Variants in CFDP1 observed in about 807,000 individuals in gnomAD.
CFDP1 encodes the protein heterochromatin-stabilizing protein CFDP1.
Under a neutral mutation model 40.1 loss-of-function variants are expected in CFDP1, and 31 were observed. The observed-to-expected ratio is 0.77, with a 90% CI of 0.58 to 1.04. CFDP1 has a LOEUF of 1.04. Among genes scored for constraint, CFDP1 ranks in the 50% least tolerant of loss-of-function variants. CFDP1 has a pLI of 0.00. For synonymous variants in CFDP1, 167 were observed against 120.0 expected (o/e 1.39, Z -2.56); for missense variants, 423 against 343.4 (o/e 1.23, Z -1.83).
intron 5 of CFDP1, among the ~76,000 whole-genome samples, chr16:75,326,497 G>C (rs1435744024): frequency 6.6e-6 from 1 of 152,234 alleles, no homozygotes; most frequent in Non-Finnish European, 1.5e-5. Flanking sequence ...ACTCCCTAAA[G>C]CTCTCACATC....
intron 1 of CFDP1, among the ~76,000 whole-genome samples, chr16:75,417,715 T>A (rs533164287): frequency 4.7e-4 from 71 of 152,094 alleles, no homozygotes; most frequent in African/African-American, 1.7e-3. Context: ...AACATAACTG[T>A]ATACCAAAAT....
In CFDP1 at chr16:75,395,185, T is replaced by C; in HGVS notation, c.555A>G (p.Thr185=). The part of the protein sequence containing the change: ...EVRVTKEVDA[T]SKEAKSFFKQ... ...TGAAGAAGGATTTGGCCTCTTTAGA[T>C]GTAGCATCCACTTCCTTAGTTACCC... The change falls in exon 5 of 7, where the codon ACA becomes ACG. Residue 185 remains threonine, a synonymous_variant. Transcript: ENST00000283882. 5 of 1,613,632 alleles carry C rather than the reference T, an allele frequency of 3.1e-6. No homozygotes were observed. The highest frequency in any genetic ancestry group is 1.6e-4 in the Middle Eastern group (1 of 6,062).
chr16:75,313,970 C>T (rs117345603), intron 5 of CFDP1, among the ~76,000 whole-genome samples: 3,433 of 152,168 alleles, frequency 0.023, 50 homozygotes, highest in Non-Finnish European at 0.038. Flanking sequence ...CCGCAACCTC[C>T]GCCGCCGGGG....
chr16:75,370,005 C>G (rs1193482616), intron 5 of CFDP1, among the ~76,000 whole-genome samples: 1 of 152,052 alleles, frequency 6.6e-6, no homozygotes, highest in East Asian at 1.9e-4. Context: ...AACTCCTTAC[C>G]TCAAGTGATC....
intron 5 of CFDP1, among the ~76,000 whole-genome samples, chr16:75,311,652 T>C (rs943510119): frequency 4.6e-5 from 7 of 152,148 alleles, no homozygotes; most frequent in African/African-American, 1.4e-4. Flanking sequence ...ATGCCTTCCA[T>C]CTAATAGCCT....
intron 5 of CFDP1, among the ~76,000 whole-genome samples, chr16:75,319,003 C>T (rs1006059116): frequency 6.6e-6 from 1 of 152,258 alleles, no homozygotes; most frequent in South Asian, 2.1e-4. Context: ...CTCATAGGAG[C>T]CGAACACATT....
At chr16:75,374,538 G>A (rs750800759) in intron 5 of CFDP1, among the ~76,000 whole-genome samples, 2 of 150,386 alleles carry the variant, frequency 1.3e-5, no homozygotes, top group Admixed American at 1.3e-4. Flanking sequence ...TAAAATGGGC[G>A]GGGCATAGTG....
At chr16:75,337,075 A>T (rs75201947) in intron 5 of CFDP1, among the ~76,000 whole-genome samples, 3,175 of 150,194 alleles carry the variant, frequency 0.021, 76 homozygotes, top group African/African-American at 0.065. Flanking sequence ...ACAAGTTTTT[A>T]AAAAAAATTA....
intron 1 of CFDP1, among the ~76,000 whole-genome samples, chr16:75,431,657 G>A (rs2079419757): frequency 6.6e-6 from 1 of 151,764 alleles, no homozygotes; most frequent in South Asian, 2.1e-4. Flanking sequence ...AAAAAACACT[G>A]AATACTGATC....
In CFDP1 at chr16:75,337,069, G is replaced by GT. The variant is rs201170058; in HGVS notation, c.651-31888dup. ...TTATGGCGGTCTCTGCCATGCACAA[G>GT]TTTTTAAAAAAAATTATGAATGTAT... On this transcript the variant is annotated intron_variant, in intron 5 of 6. Transcript: ENST00000283882. 1.5e-3 allele frequency among the ~76,000 whole-genome samples: 223 copies of GT among 152,178 alleles called. 2 individuals are homozygous for GT. Among genetic ancestry groups the GT allele is most frequent in the African/African-American group, 5.1e-3 (211 of 41,480 alleles).
At chr16:75,431,409 C>T (rs891403412) in intron 1 of CFDP1, among the ~76,000 whole-genome samples, 6 of 140,388 alleles carry the variant, frequency 4.3e-5, no homozygotes, top group Non-Finnish European at 3.0e-5. Context: ...AGACGAGATC[C>T]CGCTACTGCA....
chr16:75,395,552 G>C (rs527592629), intron 4 of CFDP1, among the ~76,000 whole-genome samples: 4 of 152,078 alleles, frequency 2.6e-5, no homozygotes, highest in African/African-American at 7.2e-5. Context: ...CCAGCTACTC[G>C]GGAGGCTGAG....
intron 5 of CFDP1, among the ~76,000 whole-genome samples, chr16:75,335,987 T>G (rs1391046781): frequency 1.3e-5 from 2 of 152,074 alleles, no homozygotes; most frequent in African/African-American, 2.4e-5. Context: ...AATGACAGAA[T>G]TGGGGGGAAG....
At chr16:75,391,159 A>G (rs1235514444) in intron 5 of CFDP1, 1 of 152,228 alleles carries the variant, frequency 6.6e-6, no homozygotes, top group Non-Finnish European at 1.5e-5. Flanking sequence ...GTATTTTCTG[A>G]AACATACAGT....
chr16:75,377,219 T>C (rs1188817086), intron 5 of CFDP1, among the ~76,000 whole-genome samples: 1 of 152,356 alleles, frequency 6.6e-6, no homozygotes, highest in Non-Finnish European at 1.5e-5. Flanking sequence ...ATAATGAACC[T>C]ACCTCCTGCC....
At chr16:75,316,146 C>A (rs1432383248) in intron 5 of CFDP1, among the ~76,000 whole-genome samples, 2 of 152,194 alleles carry the variant, frequency 1.3e-5, no homozygotes, top group African/African-American at 4.8e-5. Flanking sequence ...CTTCTTACTG[C>A]ACCATCATCA....
intron 5 of CFDP1, among the ~76,000 whole-genome samples, chr16:75,376,562 G>C (rs1320880123): frequency 2.0e-5 from 3 of 152,188 alleles, no homozygotes; most frequent in Non-Finnish European, 4.4e-5. Context: ...ATAAAAATCA[G>C]TAGTTGCCTG....
intron 5 of CFDP1, among the ~76,000 whole-genome samples, chr16:75,349,682 A>ATATATATATATATATATATAT (rs60815655): frequency 2.3e-3 from 17 of 7,396 alleles, no homozygotes; most frequent in East Asian, 9.1e-3. Flanking sequence ...AAAAAAAAAA[A>ATATATATATATATATATATAT]AAAAAAAAAT....
rs368200836 is a variant in CFDP1 at position 75,333,451 on chromosome 16, T to G, written c.651-28269A>C. On this transcript the variant is annotated intron_variant, in intron 5 of 6. Coordinates refer to ENST00000283882, the MANE Select transcript of CFDP1 (RefSeq NM_006324.3). ...TCATGTTCTTAATGACATCTTTCGA[T>G]GGGCAGAAGGAGGATTATTTGCATG... 1.2e-4 allele frequency among the ~76,000 whole-genome samples: 19 copies of G among 152,260 alleles called. 3 individuals are homozygous for G. Among genetic ancestry groups the G allele is most frequent in the Admixed American group, 5.9e-4 (9 of 15,290 alleles).
Sources: allele counts gnomAD v4.1 joint callset (sites outside exome capture counted in the v4.1 genomes callset), GRCh38; gene constraint gnomAD v4.1.1; transcripts MANE v1.5; gene names NCBI Gene and HGNC (gene_info 2026-07-23, HGNC 2026-07-21).